The following NFAT5 variants were observed in gnomAD, a reference collection of about 807,000 sequenced individuals.
NFAT5 encodes nuclear factor of activated T cells 5.
In NFAT5, 31 loss-of-function variants were observed where a neutral mutation model predicts 166.5. That is an observed-to-expected ratio of 0.19 (90% confidence interval 0.14 to 0.25). NFAT5 has a LOEUF of 0.25. NFAT5 is among the 10% of genes least tolerant of loss of function. The pLI, the probability that NFAT5 is intolerant of heterozygous loss-of-function variation, is 1.00. For synonymous variants in NFAT5, 612 were observed against 639.7 expected, an observed-to-expected ratio of 0.96 and a Z score of 0.65; for missense variants, 1,449 against 1,821.8, an observed-to-expected ratio of 0.80 and a Z score of 3.72.
intron 2 of NFAT5, among the ~76,000 whole-genome samples, chr16:69,599,870 GGA>G (rs961035830): frequency 1.3e-5 from 2 of 152,128 alleles, no homozygotes; most frequent in Admixed American, 1.3e-4. Flanking sequence ...GGAGAGAAAG[GGA>G]GAGAGATATT....
Position 69,642,298 on chromosome 16 carries a change from G to A in NFAT5, c.254-4730G>A, listed in dbSNP as rs542261831. Among the ~76,000 whole-genome samples the A allele has an allele frequency of 2.8e-4, 42 of 152,130 alleles. No individual in the cohort carries two copies. In the South Asian group the frequency reaches 8.1e-3, roughly 29 times the overall value. ...GTATGTACAATTCAAGTTCACCATC[G>A]TTACTGGCATTTGGTCTGATAACTG... On this transcript the variant is annotated intron_variant, in intron 3 of 14. Coordinates refer to ENST00000349945, the MANE Select transcript of NFAT5 (RefSeq NM_138713.4).
At chr16:69,634,215 G>A (rs949233744) in intron 3 of NFAT5, among the ~76,000 whole-genome samples, 1 of 143,420 alleles carries the variant, frequency 7.0e-6, no homozygotes, top group Non-Finnish European at 1.5e-5. Flanking sequence ...GGAGGCAGAG[G>A]TTACAGTGAG....
Position 69,693,179 on chromosome 16 carries a change from C to T in NFAT5, c.3354C>T (p.Val1118=), listed in dbSNP as rs2037623062. ...TCTTTCATAGTCCAAATCCTATTGT[C>T]CACAGTCAGACTTCTACAACCTCCT... The part of the protein sequence containing the change: ...GSLFHSPNPI[V]HSQTSTTSSE... Residue 1118 remains valine (V), a synonymous_variant, in exon 13 of 15, where the codon GTC becomes GTT. Transcript: ENST00000349945. 2 of 1,614,138 alleles carry T rather than the reference C, an allele frequency of 1.2e-6. No homozygotes were observed. Among genetic ancestry groups the T allele is most frequent in the Non-Finnish European group, 1.7e-6 (2 of 1,180,006 alleles).
rs774115998 is a variant in NFAT5, at chr16:69,646,995, A to G, written c.254-33A>G. On this transcript the variant is annotated intron_variant, in intron 3 of 14. Transcript: ENST00000349945. ...CTAGCCAGCATAGGTGAAAACATGTATAGTGTATTTACTCTTGAATTGTAC... is the reference window on the plus strand; with the variant it reads ...CTAGCCAGCATAGGTGAAAACATGTGTAGTGTATTTACTCTTGAATTGTAC... 10 of 1,490,482 alleles carry G rather than the reference A, an allele frequency of 6.7e-6. No individual in the cohort carries two copies. In the South Asian group the frequency reaches 1.1e-4, roughly 16 times the overall value. The allele number at this position is 1,490,482 out of a possible 1,614,324, so 92.3% of individuals were successfully genotyped here. A position where few individuals can be genotyped will look rare whatever the true frequency, so the allele number is the denominator to read the frequency against.
intron 2 of NFAT5, among the ~76,000 whole-genome samples, chr16:69,579,320 AT>A (rs2031515021): frequency 6.6e-6 from 1 of 152,090 alleles, no homozygotes; most frequent in African/African-American, 2.4e-5. Flanking sequence ...TTTTATAATT[AT>A]TTTTAAAGAA....
intron 6 of NFAT5, among the ~76,000 whole-genome samples, chr16:69,656,845 CCT>C (rs1049112172): frequency 2.6e-5 from 4 of 152,240 alleles, no homozygotes; most frequent in African/African-American, 9.6e-5. Flanking sequence ...TTGTTATTTT[CCT>C]CTGTTTAAAA....
intron 2 of NFAT5, among the ~76,000 whole-genome samples, chr16:69,620,963 T>C (rs2034169709): frequency 6.6e-6 from 1 of 152,380 alleles, no homozygotes; most frequent in South Asian, 2.1e-4. Flanking sequence ...TACTGTTGTT[T>C]AGAAGTCATC....
At chr16:69,631,239 T>A (rs1480088876) in intron 3 of NFAT5, among the ~76,000 whole-genome samples, 1 of 152,144 alleles carries the variant, frequency 6.6e-6, no homozygotes, top group African/African-American at 2.4e-5. Flanking sequence ...AAGACCAGCC[T>A]GGCCAAGATG....
intron 2 of NFAT5, among the ~76,000 whole-genome samples, chr16:69,594,563 A>G (rs1339972190): frequency 6.6e-6 from 1 of 152,132 alleles, no homozygotes; most frequent in Non-Finnish European, 1.5e-5. Flanking sequence ...GTTTCTGTAT[A>G]TTCTGTATTA....
chr16:69,653,060 T>G lies in NFAT5; in HGVS notation c.813-176T>G, dbSNP rs2035740463. On this transcript the variant is annotated intron_variant, in intron 4 of 14. Transcript: ENST00000349945. ...TAGTAAACTTTTTTACAAAACCTTT[T>G]TAAAGATACTTTGCTCATGTATCTT... Among the ~76,000 whole-genome samples the G allele has an allele frequency of 5.3e-5, 8 of 152,354 alleles. No individual in the cohort carries two copies. In the South Asian group the frequency reaches 1.4e-3, roughly 28 times the overall value.
At chr16:69,595,964 C>T (rs982454243) in intron 2 of NFAT5, among the ~76,000 whole-genome samples, 16 of 152,030 alleles carry the variant, frequency 1.1e-4, no homozygotes, top group African/African-American at 3.1e-4. Flanking sequence ...GAGCTGGACT[C>T]GCAGGTCAAC....
intron 3 of NFAT5, among the ~76,000 whole-genome samples, chr16:69,635,164 C>A (rs1011789932): frequency 1.3e-5 from 2 of 151,764 alleles, no homozygotes; most frequent in Non-Finnish European, 2.9e-5. Flanking sequence ...GCACCTGTCA[C>A]CATGCCTGGC....
chr16:69,626,682 C>A (rs191735897), intron 3 of NFAT5, among the ~76,000 whole-genome samples, 154 bp downstream of exon 3: 226 of 152,256 alleles, frequency 1.5e-3, no homozygotes, highest in African/African-American at 5.0e-3. Context: ...TAAACTTTTT[C>A]AATATTATTT....
At chr16:69,688,352 C>T (rs1002468635) in intron 11 of NFAT5, among the ~76,000 whole-genome samples, 1 of 151,204 alleles carries the variant, frequency 6.6e-6, no homozygotes, top group Non-Finnish European at 1.5e-5. Flanking sequence ...AAGAAAAATA[C>T]AGACTGTATA....
intron 7 of NFAT5, among the ~76,000 whole-genome samples, chr16:69,662,668 G>A (rs1206296231): frequency 1.3e-5 from 2 of 151,876 alleles, no homozygotes; most frequent in Non-Finnish European, 2.9e-5. Context: ...CACCGTGTTA[G>A]CCAGGATGGT....
rs1185186200 is a variant in NFAT5, at chr16:69,699,729, T to C, written c.*3378T>C. 2.0e-5 allele frequency: 3 copies of C among 152,640 alleles called. No individual in the cohort carries two copies. Among genetic ancestry groups the C allele is most frequent in the Non-Finnish European group, 4.4e-5 (3 of 68,032 alleles). 9.5% of individuals were successfully genotyped at this position (152,640 alleles called of 1,614,324 possible). A position where few individuals can be genotyped will look rare whatever the true frequency, so the allele number is the denominator to read the frequency against. Reference sequence around the variant, plus strand: ...TTATGGCAGAAGGACCTAAATAAACTGTGAGCCACCTTTTCTTCTTTATAT... The same window carrying C: ...TTATGGCAGAAGGACCTAAATAAACCGTGAGCCACCTTTTCTTCTTTATAT... On this transcript the variant is annotated 3_prime_UTR_variant, in exon 15 of 15. Coordinates refer to ENST00000349945, the MANE Select transcript of NFAT5 (RefSeq NM_138713.4).
At chr16:69,609,844 A>G (rs1245714266) in intron 2 of NFAT5, among the ~76,000 whole-genome samples, 1 of 151,648 alleles carries the variant, frequency 6.6e-6, no homozygotes, top group Non-Finnish European at 1.5e-5. Flanking sequence ...AAAAAAAAGA[A>G]AAAAGAAAAT....
chr16:69,642,203 A>G (rs2035244090), intron 3 of NFAT5, among the ~76,000 whole-genome samples: 1 of 152,190 alleles, frequency 6.6e-6, no homozygotes, highest in Non-Finnish European at 1.5e-5. Context: ...ACATTATTTA[A>G]TATCTGCCAG....
chr16:69,566,069 G>T lies in NFAT5; in HGVS notation c.-233G>T. 1.9e-6 allele frequency: 1 copy of T among 517,840 alleles called. No homozygotes were observed. 32.1% of individuals were successfully genotyped at this position (517,840 alleles called of 1,614,324 possible). ...TCTCCCCCTTCCCCTTCCCCGTCCT[G>T]AACCCCTCTCCTGGTCACCGAGAAT... is the stretch of plus-strand genomic sequence containing the variant. On this transcript the variant is annotated 5_prime_UTR_variant, in exon 1 of 15. Transcript: ENST00000349945. This position sits in a 1 kb window ranked among gnomAD's most constrained non-coding sequence, Gnocchi z 5.7.
Sources: gnomAD v4.1 joint callset for allele counts (sites outside exome capture counted in the v4.1 genomes callset) on GRCh38, gnomAD v4.1.1 for gene constraint, Gnocchi (gnomAD v3.1) non-coding constraint, MANE v1.5 for transcripts, NCBI Gene and HGNC (gene_info 2026-07-23, HGNC 2026-07-21) for gene names.